Variants in MTERF4 observed in about 807,000 individuals in gnomAD.
MTERF4 encodes transcription termination factor 4, mitochondrial.
In MTERF4, 17 loss-of-function variants were observed where a neutral mutation model predicts 22.5. The observed-to-expected ratio is 0.75, with a 90% CI of 0.52 to 1.13. The LOEUF is 1.13. Among genes scored for constraint, MTERF4 ranks in the 50% most tolerant of loss-of-function variants. The pLI is 0.00. For synonymous variants in MTERF4, 165 were observed against 175.3 expected, an observed-to-expected ratio of 0.94 and a Z score of 0.47; for missense variants, 420 against 466.8, an observed-to-expected ratio of 0.90 and a Z score of 0.92.
the MTERF4 span, chr2:241,048,704 T>G: frequency 1.2e-6 from 2 of 1,612,974 alleles, no homozygotes; most frequent in Non-Finnish European, 1.7e-6. Context: ...GGCAGATGCC[T>G]GGGCGCCAAC....
chr2:241,052,428 C>T, the MTERF4 span: 2 of 1,608,056 alleles, frequency 1.2e-6, no homozygotes, highest in Non-Finnish European at 8.5e-7. Context: ...ATTTCTTCTG[C>T]CACTGCCAAG....
chr2:241,096,117 C>T lies in MTERF4; in HGVS notation c.1027G>A (p.Glu343Lys). The T allele has an allele frequency of 6.2e-7, 1 of 1,614,156 alleles. No homozygotes were observed. The highest frequency in any genetic ancestry group is 8.5e-7 in the Non-Finnish European group (1 of 1,180,024). Reference protein sequence around the residue: ...DDKRASLDEDEDDDDEEDNDE... With the variant: ...DDKRASLDEDKDDDDEEDNDE... ...TTGTCCTCCTCATCATCGTCATCCT[C>T]ATCCTCATCCAGACTTGCCCTTTTG... Residue 343 changes from glutamate (E) to lysine (K), a missense_variant, in exon 4 of 4, where the codon GAG (glutamate) becomes AAG (lysine). Physicochemically the swap from Glu to Lys is moderately conservative, Grantham distance 56 (BLOSUM62 1). Coordinates refer to ENST00000391980, the MANE Select transcript of MTERF4 (RefSeq NM_182501.4). The surrounding 1 kb of genome is among the most constrained non-coding windows in gnomAD (Gnocchi z 5.1).
intron 4 of MTERF4, among the ~76,000 whole-genome samples, chr2:241,076,786 C>T (rs935833114): frequency 3.3e-5 from 5 of 150,690 alleles, no homozygotes; most frequent in Admixed American, 3.3e-4. Flanking sequence ...GCCTGTAATC[C>T]GTGGAAAAGA....
the MTERF4 span, among the ~76,000 whole-genome samples, chr2:241,059,420 A>G: frequency 6.6e-6 from 1 of 152,218 alleles, no homozygotes; most frequent in African/African-American, 2.4e-5. Context: ...CTCAATTGAT[A>G]CCCAACTTAT....
intron 4 of MTERF4, among the ~76,000 whole-genome samples, chr2:241,078,166 C>T (rs2063124821): frequency 2.0e-5 from 3 of 151,620 alleles, no homozygotes; most frequent in Non-Finnish European, 2.9e-5. Context: ...GGGCAGATCA[C>T]CAGGTCAGGC....
downstream of MTERF4, chr2:241,095,068 C>CA (rs1221963842): frequency 3.5e-5 from 5 of 143,708 alleles, no homozygotes; most frequent in African/African-American, 1.2e-4. Flanking sequence ...ACGCCCCCCC[C>CA]CCCCCCCACA....
At chr2:241,078,139 C>CT (rs1352374274) in intron 4 of MTERF4, among the ~76,000 whole-genome samples, 1 of 152,090 alleles carries the variant, frequency 6.6e-6, no homozygotes, top group Non-Finnish European at 1.5e-5. Context: ...AATCCCAGCA[C>CT]TTTGGGAGGC....
chr2:241,050,108 G>C, the MTERF4 span: 1 of 676,804 alleles, frequency 1.5e-6, no homozygotes, highest in African/African-American at 1.8e-5. Context: ...CTCACTGTTT[G>C]GATGGTTCTG....
downstream of MTERF4, chr2:241,071,433 T>C (rs954096010): frequency 4.2e-5 from 40 of 952,180 alleles, no homozygotes; most frequent in Non-Finnish European, 5.5e-5. Flanking sequence ...CACAAGCACC[T>C]TGGATGACCA....
At chr2:241,094,363 G>T (rs372510670), downstream of MTERF4, 29 of 470,752 alleles carry the variant, frequency 6.2e-5, 2 homozygotes, top group East Asian at 2.8e-4. The surrounding 1 kb of genome is among the most constrained non-coding windows in gnomAD (Gnocchi z 4.3). Flanking sequence ...TGTGGACGGA[G>T]TCACCGAGCT....
downstream of MTERF4, among the ~76,000 whole-genome samples, chr2:241,086,780 G>A (rs2063602979): frequency 6.6e-6 from 1 of 152,198 alleles, no homozygotes; most frequent in Non-Finnish European, 1.5e-5. Flanking sequence ...TCTGACATTT[G>A]AGAACTTTAA....
At chr2:241,063,026 C>T in the MTERF4 span, 4 of 626,350 alleles carry the variant, frequency 6.4e-6, no homozygotes, top group Non-Finnish European at 1.1e-5. Context: ...CATGCTTTCT[C>T]GGGCCCCTGC....
At position 241,073,156 on chromosome 2, in the gene MTERF4, C is replaced by T; in HGVS notation, n.3006G>A. ...GGCCACGCAGGGAGCCTGGTCCCCA[C>T]CAGGGACATCCGTGCTCCCTGAGAT... On this transcript the variant is annotated non_coding_transcript_exon_variant, in exon 5 of 5. Transcript: ENST00000464344. The surrounding 1 kb of genome is among the most constrained non-coding windows in gnomAD (Gnocchi z 6.6). 1.3e-6 allele frequency: 1 copy of T among 770,714 alleles called. No individual in the cohort carries two copies. Among genetic ancestry groups the T allele is most frequent in the Non-Finnish European group, 2.1e-6 (1 of 473,860 alleles). The allele number at this position is 770,714 out of a possible 1,614,324, so 47.7% of individuals were successfully genotyped here.
At chr2:241,078,180 C>T (rs1489554686) in intron 4 of MTERF4, among the ~76,000 whole-genome samples, 7 of 149,808 alleles carry the variant, frequency 4.7e-5, no homozygotes, top group South Asian at 2.1e-4. Context: ...GTCAGGCGTT[C>T]GAGACAAGTC....
downstream of MTERF4, chr2:241,093,443 CAGTG>C (rs1389714002): frequency 1.1e-3 from 165 of 146,278 alleles, no homozygotes; most frequent in Non-Finnish European, 1.6e-3. Flanking sequence ...TAATATGCTC[CAGTG>C]TTAGCTTAGA....
downstream of MTERF4, chr2:241,090,599 C>A: frequency 1.0e-6 from 1 of 977,300 alleles, no homozygotes; most frequent in Non-Finnish European, 1.4e-6. Context: ...TCACCACAAA[C>A]ACAAAAAGAA....
chr2:241,053,033 G>A, the MTERF4 span: 8 of 934,376 alleles, frequency 8.6e-6, no homozygotes, highest in East Asian at 1.3e-4. Flanking sequence ...TTTCCCCGGT[G>A]AAGGGCAGTG....
At chr2:241,049,073 A>G in the MTERF4 span, 3 of 1,613,636 alleles carry the variant, frequency 1.9e-6, no homozygotes, top group African/African-American at 2.7e-5. Context: ...GATGGGGGCT[A>G]CTGCATGGAG....
downstream of MTERF4, among the ~76,000 whole-genome samples, chr2:241,083,083 G>A (rs1254726510): frequency 6.6e-6 from 1 of 152,196 alleles, no homozygotes; most frequent in African/African-American, 2.4e-5. Flanking sequence ...GTGAGAGTGT[G>A]GTGTGTGGTG....
Sources: gnomAD v4.1 joint callset for allele counts (sites outside exome capture counted in the v4.1 genomes callset) on GRCh38, gnomAD v4.1.1 for gene constraint, Gnocchi (gnomAD v3.1) non-coding constraint, MANE v1.5 for transcripts, NCBI Gene and HGNC (gene_info 2026-07-23, HGNC 2026-07-21) for gene names.